The following UBXN4 variants were observed in gnomAD, a reference collection of about 807,000 sequenced individuals.
The protein encoded by UBXN4 is UBX domain-containing protein 4.
Under a neutral mutation model 66.2 loss-of-function variants are expected in UBXN4, and 35 were observed. The ratio of observed to expected loss-of-function variants is 0.53; its 90% CI spans 0.40 to 0.70. The LOEUF is 0.70. UBXN4 is among the 30% of genes least tolerant of loss of function. The pLI, the probability that UBXN4 is intolerant of heterozygous loss-of-function variation, is 0.00. For missense variants in UBXN4, 533 were observed against 599.8 expected (o/e 0.89, Z 1.16); for synonymous variants, 203 against 204.5 (o/e 0.99, Z 0.06).
intron 12 of UBXN4, among the ~76,000 whole-genome samples, chr2:135,780,823 A>G (rs900696938): frequency 6.6e-6 from 1 of 152,166 alleles, no homozygotes; most frequent in African/African-American, 2.4e-5. Flanking sequence ...TCTTTTATCT[A>G]CCGGCTGACA....
At chr2:135,773,039 A>G (rs1472174976) in intron 9 of UBXN4, among the ~76,000 whole-genome samples, 1 of 138,544 alleles carries the variant, frequency 7.2e-6, no homozygotes, top group African/African-American at 3.1e-5. Context: ...TCCGTCCCCA[A>G]AAAAAAAAAA....
intron 9 of UBXN4, among the ~76,000 whole-genome samples, chr2:135,775,798 G>A (rs138972947): frequency 0.011 from 1,712 of 152,130 alleles, 19 homozygotes; most frequent in South Asian, 0.04. Context: ...ATGGAGTCTC[G>A]CTCTATTGCC....
chr2:135,765,064 T>G (rs2077338697), intron 6 of UBXN4, among the ~76,000 whole-genome samples: 1 of 152,208 alleles, frequency 6.6e-6, no homozygotes, highest in Non-Finnish European at 1.5e-5. Context: ...TCCACCCGCC[T>G]TGGCTTCTTC....
chr2:135,761,788 A>T (rs1345883421), intron 5 of UBXN4, 30 bp from the exon 6 acceptor site: 16 of 1,536,526 alleles, frequency 1.0e-5, no homozygotes, highest in Non-Finnish European at 1.3e-5. Flanking sequence ...TAAATGCAGT[A>T]TTCTTATTTC....
intron 12 of UBXN4, among the ~76,000 whole-genome samples, chr2:135,781,242 A>G (rs2105510897): frequency 1.3e-5 from 2 of 152,322 alleles, no homozygotes. Context: ...AAACAAAACA[A>G]CTTTTATAGC....
At chr2:135,774,464 C>T (rs577093878) in intron 9 of UBXN4, among the ~76,000 whole-genome samples, 1 of 152,196 alleles carries the variant, frequency 6.6e-6, no homozygotes. Flanking sequence ...TTAGACATGG[C>T]ACTAAAAGCA....
intron 8 of UBXN4, among the ~76,000 whole-genome samples, 174 bp downstream of exon 8, chr2:135,770,909 GTTGA>G (rs916584677): frequency 6.6e-6 from 1 of 152,148 alleles, no homozygotes; most frequent in South Asian, 2.1e-4. Context: ...TTAAAATTGA[GTTGA>G]TTTTTTTGAA....
chr2:135,781,396 A>G (rs557879755), intron 12 of UBXN4, among the ~76,000 whole-genome samples: 44 of 152,246 alleles, frequency 2.9e-4, no homozygotes, highest in Non-Finnish European at 4.8e-4. Flanking sequence ...TAATTACATA[A>G]TAATGTAACT....
At chr2:135,756,550 T>G (rs2077279349) in intron 5 of UBXN4, among the ~76,000 whole-genome samples, 1 of 152,176 alleles carries the variant, frequency 6.6e-6, no homozygotes, top group Admixed American at 6.5e-5. Context: ...CATTTTGAGG[T>G]TTTACATCGG....
intron 9 of UBXN4, among the ~76,000 whole-genome samples, chr2:135,774,527 C>T (rs554161390): frequency 8.0e-4 from 121 of 152,170 alleles, no homozygotes; most frequent in African/African-American, 2.6e-3. Flanking sequence ...TTAAAACTTT[C>T]GTGCTTTGAA....
chr2:135,780,751 G>A (rs1380222077), intron 12 of UBXN4, among the ~76,000 whole-genome samples: 1 of 152,028 alleles, frequency 6.6e-6, no homozygotes, highest in Non-Finnish European at 1.5e-5. Context: ...AATCGTTCAG[G>A]GTCATCTTGC....
intron 2 of UBXN4, among the ~76,000 whole-genome samples, chr2:135,753,009 C>T (rs1363871238): frequency 3.5e-5 from 5 of 144,334 alleles, no homozygotes; most frequent in African/African-American, 7.8e-5. Flanking sequence ...TGAGCTACCA[C>T]GCCCGGCCTT....
chr2:135,770,817 A>G (rs2077378863), intron 8 of UBXN4, 82 bp downstream of exon 8: 2 of 1,271,808 alleles, frequency 1.6e-6, no homozygotes, highest in Non-Finnish European at 2.0e-6. Context: ...TGTGCACACA[A>G]AAATAGATTT....
intron 6 of UBXN4, among the ~76,000 whole-genome samples, chr2:135,766,039 G>A (rs2077345456): frequency 6.6e-6 from 1 of 151,998 alleles, no homozygotes; most frequent in Admixed American, 6.6e-5. Flanking sequence ...TGTAATCTCA[G>A]CTATTTGGGA....
At chr2:135,761,627 T>G (rs1195725433) in intron 5 of UBXN4, among the ~76,000 whole-genome samples, 191 bp from the exon 6 acceptor site, 1 of 152,256 alleles carries the variant, frequency 6.6e-6, no homozygotes, top group Non-Finnish European at 1.5e-5. Context: ...TATTTCTATT[T>G]GTGAACAATT....
intron 5 of UBXN4, 130 bp from the exon 6 acceptor site, chr2:135,761,688 C>T: frequency 1.3e-6 from 1 of 745,434 alleles, no homozygotes; most frequent in South Asian, 3.4e-5. Flanking sequence ...AGCTCCTTCT[C>T]CATTTTTAGG....
At position 135,750,879 on chromosome 2, in the gene UBXN4, G is replaced by A. The variant is rs1410749279; in HGVS notation, c.185+2510G>A. ...TTTTTTTTTTTTTTTTTTTTGAGAC[G>A]GAGTCTTGCTCTGTCGCCCAGGCTG... is the stretch of plus-strand genomic sequence containing the variant. On this transcript the variant is annotated intron_variant, in intron 2 of 12. Transcript: ENST00000272638. Among the ~76,000 whole-genome samples the A allele has an allele frequency of 1.1e-4, 12 of 104,430 alleles. 1 individual carries two copies. The highest frequency in any genetic ancestry group is 1.1e-3 in the Admixed American group (8 of 7,472). The allele number at this position is 104,430 out of a possible 152,430, so 68.5% of individuals were successfully genotyped here.
At chr2:135,743,948 G>C (rs923815615) in intron 1 of UBXN4, among the ~76,000 whole-genome samples, 1 of 152,138 alleles carries the variant, frequency 6.6e-6, no homozygotes. Context: ...TTGAATGTTT[G>C]CAGGAAGACT....
At chr2:135,776,904 T>G (rs2077418522) in intron 10 of UBXN4, among the ~76,000 whole-genome samples, 1 of 152,194 alleles carries the variant, frequency 6.6e-6, no homozygotes, top group Admixed American at 6.5e-5. Context: ...ACTGGGAACT[T>G]TTTTCACTGA....
Sources: gnomAD v4.1 joint callset for allele counts (sites outside exome capture counted in the v4.1 genomes callset) on GRCh38, gnomAD v4.1.1 for gene constraint, MANE v1.5 for transcripts, NCBI Gene and HGNC (gene_info 2026-07-23, HGNC 2026-07-21) for gene names.